The following MAN2A1 variants were observed in gnomAD, a reference collection of about 807,000 sequenced individuals.
MAN2A1 encodes the protein alpha-mannosidase 2.
Under a neutral mutation model 142.6 loss-of-function variants are expected in MAN2A1, and 76 were observed. That is an observed-to-expected ratio of 0.53 (90% CI 0.44 to 0.65). The LOEUF (loss-of-function observed/expected upper bound fraction) is 0.65. Ranked by LOEUF, MAN2A1 falls within the 30% of genes least tolerant of loss-of-function variation. MAN2A1 has a pLI of 0.00. For synonymous variants in MAN2A1, 559 were observed against 473.2 expected (o/e 1.18, Z -2.35); for missense variants, 1,311 against 1,365.1 (o/e 0.96, Z 0.62).
At chr5:109,733,845 A>T (rs1343183981) in intron 4 of MAN2A1, among the ~76,000 whole-genome samples, 1 of 152,246 alleles carries the variant, frequency 6.6e-6, no homozygotes, top group Admixed American at 6.5e-5. Context: ...TGTCTCTGTC[A>T]GGCTTTGGTA....
chr5:109,854,032 C>G (rs977624412), intron 19 of MAN2A1: 5 of 152,210 alleles, frequency 3.3e-5, no homozygotes, highest in Non-Finnish European at 5.9e-5. Flanking sequence ...ATCTGACATT[C>G]TGAATTTTAA....
At chr5:109,763,666 G>A (rs545276502) in intron 5 of MAN2A1, among the ~76,000 whole-genome samples, 7 of 152,088 alleles carry the variant, frequency 4.6e-5, no homozygotes, top group African/African-American at 1.4e-4. Flanking sequence ...ACTAAACTTG[G>A]TTTTGTTTTC....
intron 3 of MAN2A1, among the ~76,000 whole-genome samples, chr5:109,723,858 A>G (rs564968272): frequency 6.6e-6 from 1 of 152,270 alleles, no homozygotes; most frequent in East Asian, 1.9e-4. Context: ...TAATCTAAGA[A>G]TCTTTCTTCT....
At chr5:109,737,091 TC>T (rs1306635780) in intron 4 of MAN2A1, among the ~76,000 whole-genome samples, 1 of 102,068 alleles carries the variant, frequency 9.8e-6, no homozygotes, top group Non-Finnish European at 1.9e-5. Context: ...GACTGTATAC[TC>T]TTTTTTTTTT....
At chr5:109,731,187 T>G (rs1751895154) in intron 4 of MAN2A1, among the ~76,000 whole-genome samples, 1 of 151,996 alleles carries the variant, frequency 6.6e-6, no homozygotes, top group Admixed American at 6.6e-5. Context: ...ATCTGTCACC[T>G]CAAACATTTA....
chr5:109,865,850 T>C (rs1029638213), intron 21 of MAN2A1, among the ~76,000 whole-genome samples: 3 of 152,202 alleles, frequency 2.0e-5, no homozygotes, highest in African/African-American at 4.8e-5. Flanking sequence ...TCCAATCTCC[T>C]GCCTCTGTCA....
chr5:109,822,701 G>T (rs915699347), intron 15 of MAN2A1, among the ~76,000 whole-genome samples: 1 of 151,460 alleles, frequency 6.6e-6, no homozygotes, highest in Non-Finnish European at 1.5e-5. Flanking sequence ...TTTTGGAGAC[G>T]GAGTCTTGCA....
chr5:109,778,687 C>G (rs993844006), intron 8 of MAN2A1, among the ~76,000 whole-genome samples: 2 of 152,086 alleles, frequency 1.3e-5, no homozygotes, highest in African/African-American at 2.4e-5. Context: ...CATTTTCTTT[C>G]TCTCCAACAT....
chr5:109,734,156 G>A lies in MAN2A1; in HGVS notation c.707+4643G>A, dbSNP rs1752011029. 2.0e-5 allele frequency among the ~76,000 whole-genome samples: 3 copies of A among 151,814 alleles called. No individual in the cohort carries two copies. In the South Asian group the frequency reaches 6.2e-4, roughly 31 times the overall value. On this transcript the variant is annotated intron_variant, in intron 4 of 21. Transcript: ENST00000261483. ...TTTTCTAGTTTATTTGCGTAGAGGT[G>A]TTTGTAGTATTCTCTGATGGTAGTT...
At chr5:109,841,047 G>A (rs575930035) in intron 16 of MAN2A1, among the ~76,000 whole-genome samples, 10 of 152,088 alleles carry the variant, frequency 6.6e-5, no homozygotes, top group East Asian at 3.9e-4. Context: ...CTCAGAAAGC[G>A]TCAGCTTTAT....
chr5:109,738,932 C>T (rs13436620), intron 4 of MAN2A1, among the ~76,000 whole-genome samples: 15,646 of 152,136 alleles, frequency 0.1, 1,114 homozygotes, highest in African/African-American at 0.21. Context: ...CAGTCTCAAC[C>T]TCCTGGGCTC....
chr5:109,736,760 T>A (rs1373272606), intron 4 of MAN2A1, among the ~76,000 whole-genome samples: 3 of 152,158 alleles, frequency 2.0e-5, no homozygotes, highest in Admixed American at 2.0e-4. Flanking sequence ...AACCTGTTTA[T>A]ATTTTACCAG....
rs559514146 is a variant in MAN2A1 at position 109,755,420 on chromosome 5, C to A, written c.799C>A (p.Leu267Ile). The stretch of plus-strand genomic sequence containing the variant: ...ACATTATTTTGCCTTAATTGATCAA[C>A]TAATTGAAGGACATCAGTGGCTGGA... ...TPHYFALIDQ[L>I]IEGHQWLENN... Residue 267 changes from leucine (L) to isoleucine (I), a missense_variant, in exon 5 of 22, where the codon CTA (leucine) becomes ATA (isoleucine). Leu to Ile is a conservative substitution (Grantham distance 5, BLOSUM62 2). Around this residue, in one of 3 missense-constraint regions of MAN2A1, gnomAD observed 409 missense variants for 412.7 expected, o/e 0.99. Transcript: ENST00000261483. 5 of 1,610,800 alleles carry A rather than the reference C, an allele frequency of 3.1e-6. No individual in the cohort carries two copies. The highest frequency in any genetic ancestry group is 4.2e-6 in the Non-Finnish European group (5 of 1,177,062).
intron 5 of MAN2A1, among the ~76,000 whole-genome samples, chr5:109,759,833 C>T (rs1422772045): frequency 1.3e-5 from 2 of 152,016 alleles, no homozygotes; most frequent in African/African-American, 2.4e-5. Flanking sequence ...TTTTAACATG[C>T]ATTTCTATGA....
At chr5:109,774,513 C>T (rs772727312) in intron 7 of MAN2A1, among the ~76,000 whole-genome samples, 1 of 151,768 alleles carries the variant, frequency 6.6e-6, no homozygotes, top group Non-Finnish European at 1.5e-5. Context: ...TGGTACATGA[C>T]CATATTTCTC....
At position 109,779,958 on chromosome 5, in the gene MAN2A1, T is replaced by A. The variant is rs563934768; in HGVS notation, c.1375-1438T>A. 5.3e-5 allele frequency among the ~76,000 whole-genome samples: 8 copies of A among 152,340 alleles called. No individual in the cohort carries two copies. In the East Asian group the frequency reaches 1.5e-3, roughly 29 times the overall value. ...ATTACAGTCACTTATATTTGCCTTA[T>A]CAGTATCATTGTTGTAAATGTTCCA... On this transcript the variant is annotated intron_variant, in intron 8 of 21. Transcript: ENST00000261483.
chr5:109,772,086 TA>T (rs1753161618), intron 7 of MAN2A1, among the ~76,000 whole-genome samples: 1 of 152,168 alleles, frequency 6.6e-6, no homozygotes, highest in Non-Finnish European at 1.5e-5. Context: ...ATATAATACT[TA>T]GAGATTTTTT....
chr5:109,841,006 T>A (rs1243626860), intron 16 of MAN2A1, among the ~76,000 whole-genome samples: 1 of 152,230 alleles, frequency 6.6e-6, no homozygotes, highest in African/African-American at 2.4e-5. Flanking sequence ...CTTTCCTACC[T>A]TATGCATTTT....
chr5:109,730,747 A>G (rs1751880786), intron 4 of MAN2A1, among the ~76,000 whole-genome samples: 2 of 152,194 alleles, frequency 1.3e-5, no homozygotes, highest in Admixed American at 1.3e-4. Context: ...TCTGTGAAAT[A>G]GGTACAATTG....
Sources: allele counts gnomAD v4.1 joint callset (sites outside exome capture counted in the v4.1 genomes callset), GRCh38; gene constraint gnomAD v4.1.1; regional missense constraint gnomAD v4.1.1; transcripts MANE v1.5; gene names NCBI Gene and HGNC (gene_info 2026-07-23, HGNC 2026-07-21).